USF3: variants seen among roughly 807,000 people sequenced by gnomAD.
USF3 encodes the protein basic helix-loop-helix domain-containing protein USF3.
Under a neutral mutation model 157.5 loss-of-function variants are expected in USF3, and 29 were observed. The ratio of observed to expected loss-of-function variants is 0.18; its 90% CI spans 0.14 to 0.25. The LOEUF (loss-of-function observed/expected upper bound fraction) is 0.25, where lower values mean the gene tolerates loss of function less well. Among genes scored for constraint, USF3 ranks in the 10% least tolerant of loss-of-function variants. The pLI is 1.00. For missense variants in USF3, 2,381 were observed against 2,667.6 expected (o/e 0.89, Z 2.37); for synonymous variants, 893 against 941.4 (o/e 0.95, Z 0.94).
Position 113,656,616 on chromosome 3 carries a change from A to G in USF3, c.5066T>C (p.Ile1689Thr). ...SNSEQRMGISIQGSRVSDQLE... is the reference protein window; with the variant it reads ...SNSEQRMGISTQGSRVSDQLE... ...CTGATCTGAAACTCTGGAACCCTGA[A>G]TTGATATCCCCATTCTCTGCTCTGA... The change falls in exon 7 of 7, where the codon ATT becomes ACT. Residue 1689 changes from isoleucine (I) to threonine (T), a missense_variant. Coordinates refer to ENST00000316407, the MANE Select transcript of USF3 (RefSeq NM_001009899.4). 3 of 1,614,206 alleles carry G rather than the reference A, an allele frequency of 1.9e-6. No individual in the cohort carries two copies. Among genetic ancestry groups the G allele is most frequent in the Non-Finnish European group, 8.5e-7 (1 of 1,180,030 alleles).
rs1432290181 is a variant in USF3 at position 113,648,873 on chromosome 3, C to T, written c.*6071G>A. ...CCTCAGATTTTTCAACTTTTTTTTA[C>T]CAAAGTGAAAATATATATATATATG... On this transcript the variant is annotated 3_prime_UTR_variant, in exon 7 of 7. Coordinates refer to ENST00000316407, the MANE Select transcript of USF3 (RefSeq NM_001009899.4). 2.0e-5 allele frequency: 3 copies of T among 151,642 alleles called. No homozygotes were observed. Among genetic ancestry groups the T allele is most frequent in the Non-Finnish European group, 4.4e-5 (3 of 67,866 alleles). The allele number at this position is 151,642 out of a possible 1,614,324, so 9.4% of individuals were successfully genotyped here.
rs1482059483 is a variant in USF3, at chr3:113,651,739, T to A, written c.*3205A>T. The A allele has an allele frequency of 6.6e-6, 1 of 152,212 alleles. No homozygotes were observed. Among genetic ancestry groups the A allele is most frequent in the East Asian group, 1.9e-4 (1 of 5,202 alleles). The allele number at this position is 152,212 out of a possible 1,614,324, so 9.4% of individuals were successfully genotyped here. A position where few individuals can be genotyped will look rare whatever the true frequency, so the allele number is the denominator to read the frequency against. On this transcript the variant is annotated 3_prime_UTR_variant, in exon 7 of 7. Transcript: ENST00000316407. ...GAATTAAGCCATGTATGAACTGAAGTCTTACATACACATGCATACATCTGT... is the reference window on the plus strand; with the variant it reads ...GAATTAAGCCATGTATGAACTGAAGACTTACATACACATGCATACATCTGT...
In USF3 at chr3:113,653,798, A is replaced by T. The variant is rs1947306872; in HGVS notation, c.*1146T>A. On this transcript the variant is annotated 3_prime_UTR_variant, in exon 7 of 7. Coordinates refer to ENST00000316407, the MANE Select transcript of USF3 (RefSeq NM_001009899.4). ...TACAGAAAGACTATATATTTTTTGA[A>T]GCACCATTTCACATCTACCAACAAG... 1 of 152,190 alleles carries T rather than the reference A, an allele frequency of 6.6e-6. No homozygotes were observed. Among genetic ancestry groups the T allele is most frequent in the South Asian group, 2.1e-4 (1 of 4,826 alleles). 9.4% of individuals were successfully genotyped at this position (152,190 alleles called of 1,614,324 possible). A position where few individuals can be genotyped will look rare whatever the true frequency, so the allele number is the denominator to read the frequency against.
Position 113,658,398 on chromosome 3 carries a change from C to T in USF3, c.3284G>A (p.Ser1095Asn). 3.1e-6 allele frequency: 5 copies of T among 1,614,162 alleles called. No homozygotes were observed. Among genetic ancestry groups the T allele is most frequent in the Non-Finnish European group, 4.2e-6 (5 of 1,180,032 alleles). ...CATGGATGCAACTGAGAAACTACGA[C>T]TACTGCCAGAGCTGGTTGACATGGG... ...DSPMSTSSGS[S>N]RSFSVASMLP... is the part of the protein sequence containing the mutation. The change falls in exon 7 of 7, where the codon AGT becomes AAT. Residue 1095 changes from serine to asparagine, a missense_variant. Coordinates refer to ENST00000316407, the MANE Select transcript of USF3 (RefSeq NM_001009899.4).
Position 113,673,325 on chromosome 3 carries a change from G to T in USF3, c.76+23C>A, listed in dbSNP as rs781711576. On this transcript the variant is annotated intron_variant, in intron 4 of 6. Transcript: ENST00000316407. ...ATTTTGAATGCAAAAAATGCTAACA[G>T]GTAAAATTTAAATTGTTTCTACCTG... The T allele has an allele frequency of 5.7e-6, 9 of 1,567,488 alleles. No homozygotes were observed. In the Admixed American group the frequency reaches 1.6e-4, roughly 27 times the overall value.
intron 6 of USF3, among the ~76,000 whole-genome samples, chr3:113,663,838 A>G (rs1307216997): frequency 6.6e-6 from 1 of 152,252 alleles, no homozygotes; most frequent in Non-Finnish European, 1.5e-5. Context: ...TCATTAAATG[A>G]TCAGGCAGTT....
intron 1 of USF3, among the ~76,000 whole-genome samples, chr3:113,693,998 G>C (rs1427801647): frequency 6.6e-6 from 1 of 152,234 alleles, no homozygotes; most frequent in Non-Finnish European, 1.5e-5. Context: ...CAGGGCTACT[G>C]AACAGAATCA....
Position 113,649,660 on chromosome 3 carries a change from G to T in USF3, c.*5284C>A. On this transcript the variant is annotated 3_prime_UTR_variant, in exon 7 of 7. Coordinates refer to ENST00000316407, the MANE Select transcript of USF3 (RefSeq NM_001009899.4). ...GCCCTTTGCTATAACAGAGGAGTGG[G>T]TGAGTGATATGTTCCAACAGCTGGT... The T allele has an allele frequency of 1.8e-6, 1 of 566,394 alleles. No individual in the cohort carries two copies. The highest frequency in any genetic ancestry group is 3.1e-6 in the Non-Finnish European group (1 of 321,384). The allele number at this position is 566,394 out of a possible 1,614,324, so 35.1% of individuals were successfully genotyped here. A position where few individuals can be genotyped will look rare whatever the true frequency, so the allele number is the denominator to read the frequency against.
intron 1 of USF3, among the ~76,000 whole-genome samples, chr3:113,679,007 G>GTCTC (rs1367267326): frequency 1.7e-5 from 2 of 119,168 alleles, no homozygotes; most frequent in African/African-American, 3.1e-5. Flanking sequence ...GTCCAGGCTG[G>GTCTC]TGTCTCTCTC....
At position 113,659,453 on chromosome 3, in the gene USF3, A is replaced by G. The variant is rs1181950581; in HGVS notation, c.2229T>C (p.Ser743=). Residue 743 remains serine (S), a synonymous_variant, in exon 7 of 7, where the codon AGT becomes AGC. Transcript: ENST00000316407. Reference sequence around the variant, plus strand: ...AAACACAGTTAGCTGTAGTGGTTTGACTATTTGCAGCAGTTTGAGAATTGG... The same window carrying G: ...AAACACAGTTAGCTGTAGTGGTTTGGCTATTTGCAGCAGTTTGAGAATTGG... The part of the protein sequence containing the change: ...QPANSQTAAN[S]QTTTANCVSL... 1 of 1,614,114 alleles carries G rather than the reference A, an allele frequency of 6.2e-7. No individual in the cohort carries two copies. Among genetic ancestry groups the G allele is most frequent in the African/African-American group, 1.3e-5 (1 of 74,948 alleles).
chr3:113,692,330 T>A lies in USF3; in HGVS notation c.-135+4040A>T, dbSNP rs538689692. On this transcript the variant is annotated intron_variant, in intron 1 of 6. Transcript: ENST00000316407. ...CCAGACTATAATAAATGGTAGAAAC[T>A]TATTACTCCATTACTGAGTGCTAAT... Among the ~76,000 whole-genome samples, 13 of 152,308 alleles carry A rather than the reference T, an allele frequency of 8.5e-5. No homozygotes were observed. In the South Asian group the frequency reaches 2.7e-3, roughly 32 times the overall value.
chr3:113,696,217 AG>A (rs201431017), intron 1 of USF3, among the ~76,000 whole-genome samples, 152 bp downstream of exon 1: 3,070 of 152,282 alleles, frequency 0.02, 50 homozygotes, highest in Non-Finnish European at 0.031. Context: ...AAGGGTCCCC[AG>A]GAAGGAGGCG....
At chr3:113,665,200 G>C (rs1409224170) in intron 5 of USF3, among the ~76,000 whole-genome samples, 1 of 152,194 alleles carries the variant, frequency 6.6e-6, no homozygotes, top group South Asian at 2.1e-4. Flanking sequence ...AGAAGGGCAG[G>C]GGCCCTTAGC....
chr3:113,655,627 C>G lies in USF3; in HGVS notation c.6055G>C (p.Gly2019Arg), dbSNP rs371309418. The change falls in exon 7 of 7, where the codon GGT becomes CGT. Residue 2019 changes from glycine (G) to arginine (R), a missense_variant. Transcript: ENST00000316407. ...PSLPHLPLST[G>R]GSMILGRQQP... ...TGACGTCCAAGAATCATACTGCCAC[C>G]AGTAGAGAGAGGAAGATGGGGAAGA... 2 of 1,613,848 alleles carry G rather than the reference C, an allele frequency of 1.2e-6. No individual in the cohort carries two copies. The highest frequency in any genetic ancestry group is 1.3e-5 in the African/African-American group (1 of 74,916).
At chr3:113,687,089 A>G (rs1396862223) in intron 1 of USF3, among the ~76,000 whole-genome samples, 5 of 152,190 alleles carry the variant, frequency 3.3e-5, no homozygotes, top group Admixed American at 6.5e-5. Context: ...TAATTTACTT[A>G]TATCAGTATG....
intron 5 of USF3, among the ~76,000 whole-genome samples, 178 bp downstream of exon 5, chr3:113,669,943 G>C (rs1339406308): frequency 6.6e-6 from 1 of 152,160 alleles, no homozygotes; most frequent in Non-Finnish European, 1.5e-5. Flanking sequence ...TGACCATGAA[G>C]AAACTGTACT....
chr3:113,654,786 T>C lies in USF3; in HGVS notation c.*158A>G. On this transcript the variant is annotated 3_prime_UTR_variant, in exon 7 of 7. Coordinates refer to ENST00000316407, the MANE Select transcript of USF3 (RefSeq NM_001009899.4). ...ACTTGTTTTCTGACAACCCAGTATC[T>C]GCATCTGACATGGCTTCCCTACATT... 1.4e-6 allele frequency: 1 copy of C among 706,488 alleles called. No homozygotes were observed. Among genetic ancestry groups the C allele is most frequent in the South Asian group, 2.8e-5 (1 of 35,876 alleles). 43.8% of individuals were successfully genotyped at this position (706,488 alleles called of 1,614,324 possible).
Position 113,660,730 on chromosome 3 carries a change from T to C in USF3, c.952A>G (p.Asn318Asp). The C allele has an allele frequency of 6.2e-7, 1 of 1,614,242 alleles. No individual in the cohort carries two copies. Among genetic ancestry groups the C allele is most frequent in the Admixed American group, 1.7e-5 (1 of 60,032 alleles). The change falls in exon 7 of 7, where the codon AAC becomes GAC. Residue 318 changes from asparagine to aspartate, a missense_variant. Physicochemically the swap from Asn to Asp is conservative, Grantham distance 23. Coordinates refer to ENST00000316407, the MANE Select transcript of USF3 (RefSeq NM_001009899.4). ...SATATKVHHG[N>D]KSCLSIQDFR... ...TCCTGTATGCTCAGGCAGGACTTGT[T>C]TCCATGGTGCACTTTAGTGGCAGTT... is the stretch of plus-strand genomic sequence containing the variant.
At position 113,650,085 on chromosome 3, in the gene USF3, A is replaced by G. The variant is rs567239036; in HGVS notation, c.*4859T>C. The G allele has an allele frequency of 3.3e-5, 18 of 540,900 alleles. No homozygotes were observed. Among genetic ancestry groups the G allele is most frequent in the Non-Finnish European group, 5.9e-5 (18 of 306,224 alleles). 33.5% of individuals were successfully genotyped at this position (540,900 alleles called of 1,614,324 possible). ...TGTTGCCCTCTGGATGTACACAGCCACAGGCGCACTACCTCCAGGCAAAGG... is the reference window on the plus strand; with the variant it reads ...TGTTGCCCTCTGGATGTACACAGCCGCAGGCGCACTACCTCCAGGCAAAGG... On this transcript the variant is annotated 3_prime_UTR_variant, in exon 7 of 7. Coordinates refer to ENST00000316407, the MANE Select transcript of USF3 (RefSeq NM_001009899.4).
Sources: allele counts gnomAD v4.1 joint callset (sites outside exome capture counted in the v4.1 genomes callset), GRCh38; gene constraint gnomAD v4.1.1; transcripts MANE v1.5; gene names NCBI Gene and HGNC (gene_info 2026-07-23, HGNC 2026-07-21).